The following PDZD2 variants were observed in gnomAD, a reference collection of about 807,000 sequenced individuals.
The protein encoded by PDZD2 is PDZ domain-containing protein 2.
PDZD2 carries 90 observed loss-of-function variants against 220.7 expected under a neutral mutation model. The ratio of observed to expected loss-of-function variants is 0.41; its 90% confidence interval spans 0.34 to 0.49. The LOEUF (loss-of-function observed/expected upper bound fraction) is 0.49, where lower values mean the gene tolerates loss of function less well. Ranked by LOEUF, PDZD2 falls within the 20% of genes least tolerant of loss-of-function variation. The pLI is 0.28. For missense variants in PDZD2, 3,174 were observed against 3,608.5 expected (o/e 0.88, Z 3.08); for synonymous variants, 1,375 against 1,450.5 (o/e 0.95, Z 1.18).
intron 2 of PDZD2, among the ~76,000 whole-genome samples, chr5:31,926,538 A>AAAG (rs1042054611): frequency 5.3e-5 from 8 of 151,554 alleles, no homozygotes; most frequent in Admixed American, 2.0e-4. Context: ...AAAAAAAAAA[A>AAAG]AAAAAAAGAA....
At chr5:31,988,382 A>G (rs990951131) in intron 3 of PDZD2, among the ~76,000 whole-genome samples, 6 of 150,668 alleles carry the variant, frequency 4.0e-5, no homozygotes, top group Middle Eastern at 3.4e-3. Context: ...GAAGAATTAC[A>G]TAAGGCGAGG....
intron 6 of PDZD2, among the ~76,000 whole-genome samples, chr5:32,015,741 TGAGA>T (rs1172721711): frequency 6.6e-6 from 1 of 152,214 alleles, no homozygotes; most frequent in Admixed American, 6.5e-5. Context: ...TCTAGCCTTC[TGAGA>T]GAGAAACTTT....
At chr5:31,908,831 G>A (rs151190211) in intron 2 of PDZD2, 1 of 573,946 alleles carries the variant, frequency 1.7e-6, no homozygotes, top group East Asian at 5.2e-5. Flanking sequence ...GATCACTTGA[G>A]CTCAGGAGTT....
intron 2 of PDZD2, among the ~76,000 whole-genome samples, chr5:31,967,210 T>C (rs1438893124): frequency 1.3e-5 from 2 of 152,068 alleles, no homozygotes; most frequent in Non-Finnish European, 2.9e-5. Context: ...TGGATCCACT[T>C]GAAAGGGAAG....
At chr5:31,816,374 T>A (rs1755460283) in intron 2 of PDZD2, among the ~76,000 whole-genome samples, 1 of 151,900 alleles carries the variant, frequency 6.6e-6, no homozygotes, top group South Asian at 2.1e-4. Context: ...TGAAGCCAAG[T>A]ACAGTAGTTC....
chr5:31,799,257 C>T lies in PDZD2; in HGVS notation c.9C>T (p.Ile3=), dbSNP rs1490783156. The change falls in exon 2 of 25, where the codon ATC becomes ATT. Residue 3 remains isoleucine, a synonymous_variant. Coordinates refer to ENST00000438447, the MANE Select transcript of PDZD2 (RefSeq NM_178140.4). MP[I]TQDNAVLHLP... ...GTCTGGGAGTGAGCACCATGCCCAT[C>T]ACCCAGGACAATGCCGTGCTGCACC... The T allele has an allele frequency of 5.7e-6, 9 of 1,592,306 alleles. No individual in the cohort carries two copies. The highest frequency in any genetic ancestry group is 6.9e-6 in the Non-Finnish European group (8 of 1,166,710).
chr5:31,728,431 G>A (rs1749308505), intron 1 of PDZD2, among the ~76,000 whole-genome samples: 1 of 152,108 alleles, frequency 6.6e-6, no homozygotes, highest in Non-Finnish European at 1.5e-5. Context: ...GAGAAGGAGT[G>A]GCGTATTTTA....
chr5:31,874,956 C>G (rs113104887), intron 2 of PDZD2, among the ~76,000 whole-genome samples: 49 of 152,246 alleles, frequency 3.2e-4, no homozygotes, highest in African/African-American at 1.1e-3. Flanking sequence ...CAGTTTAGTG[C>G]ATATCCTTCC....
intron 2 of PDZD2, among the ~76,000 whole-genome samples, chr5:31,954,639 C>A (rs1190270355): frequency 6.6e-6 from 1 of 152,092 alleles, no homozygotes; most frequent in Non-Finnish European, 1.5e-5. Context: ...ATAAAAACCA[C>A]TAAGAGGGGC....
At chr5:31,997,925 C>T (rs369798798) in intron 4 of PDZD2, among the ~76,000 whole-genome samples, 1 of 152,162 alleles carries the variant, frequency 6.6e-6, no homozygotes, top group Non-Finnish European at 1.5e-5. Flanking sequence ...TCACCACAAC[C>T]TCCGCCTCCC....
At chr5:31,810,355 C>T (rs779611074) in intron 2 of PDZD2, among the ~76,000 whole-genome samples, 3 of 151,016 alleles carry the variant, frequency 2.0e-5, no homozygotes, top group African/African-American at 4.9e-5. Context: ...CTCCGCCTCC[C>T]GGGTTCATGC....
intron 6 of PDZD2, 41 bp from the exon 7 acceptor site, chr5:32,037,190 G>A (rs773525196): frequency 1.6e-6 from 2 of 1,278,350 alleles, no homozygotes; most frequent in Admixed American, 1.7e-5. Context: ...GTCATCGCAG[G>A]GCTGGGCTCT....
chr5:32,051,209 A>T (rs1738510403), intron 8 of PDZD2, among the ~76,000 whole-genome samples: 1 of 152,134 alleles, frequency 6.6e-6, no homozygotes, highest in Admixed American at 6.5e-5. Context: ...AAACCTCCGT[A>T]TTCAAGGACT....
Position 31,646,035 on chromosome 5 carries a change from C to G in PDZD2, c.-361+6598C>G, listed in dbSNP as rs886881843. ...TGGGAGGAGAGAGGGTGTCAGGGAGCTTTGCACTGCGGGGGGGCCTTCTCA... is the reference window on the plus strand; with the variant it reads ...TGGGAGGAGAGAGGGTGTCAGGGAGGTTTGCACTGCGGGGGGGCCTTCTCA... On this transcript the variant is annotated intron_variant, in intron 1 of 24. Coordinates refer to ENST00000438447, the MANE Select transcript of PDZD2 (RefSeq NM_178140.4). This position sits in a 1 kb window ranked among gnomAD's most constrained non-coding sequence, Gnocchi z 4.7. 2.7e-5 allele frequency among the ~76,000 whole-genome samples: 2 copies of G among 75,314 alleles called. No individual in the cohort carries two copies. The highest frequency in any genetic ancestry group is 5.4e-5 in the African/African-American group (2 of 36,870). The allele number at this position is 75,314 out of a possible 152,430, so 49.4% of individuals were successfully genotyped here.
intron 4 of PDZD2, among the ~76,000 whole-genome samples, chr5:31,996,558 G>A (rs1322853115): frequency 1.3e-5 from 2 of 152,096 alleles, no homozygotes; most frequent in Admixed American, 6.6e-5. Context: ...TTACAAAGAC[G>A]TGAGCCAGGT....
chr5:31,776,838 T>A (rs978371717), intron 1 of PDZD2, among the ~76,000 whole-genome samples: 4 of 151,440 alleles, frequency 2.6e-5, no homozygotes, highest in Non-Finnish European at 4.4e-5. Flanking sequence ...TTTGTATTCT[T>A]GGTAGAGACA....
intron 5 of PDZD2, among the ~76,000 whole-genome samples, chr5:32,008,253 T>C (rs973866422): frequency 6.6e-6 from 1 of 151,522 alleles, no homozygotes; most frequent in Admixed American, 6.6e-5. Context: ...TTATCTGACA[T>C]TTTGATTCAA....
Position 31,985,634 on chromosome 5 carries a change from C to T in PDZD2, c.978+1978C>T, listed in dbSNP as rs146077982. ...CTTGAACCTGGCAGGTGGAGGTTGC[C>T]GTGAGCCAGGAATCGCACCACCACC... On this transcript the variant is annotated intron_variant, in intron 3 of 24. Coordinates refer to ENST00000438447, the MANE Select transcript of PDZD2 (RefSeq NM_178140.4). Among the ~76,000 whole-genome samples the T allele has an allele frequency of 8.9e-3, 1,353 of 151,706 alleles. 16 individuals carry two copies. Among genetic ancestry groups the T allele is most frequent in the African/African-American group, 0.031 (1,289 of 41,374 alleles).
intron 5 of PDZD2, among the ~76,000 whole-genome samples, chr5:32,005,429 A>C (rs1463364564): frequency 1.3e-5 from 2 of 151,450 alleles, no homozygotes. Flanking sequence ...GAAGCAACAT[A>C]TATCAGTACA....
Sources: allele counts gnomAD v4.1 joint callset (sites outside exome capture counted in the v4.1 genomes callset), GRCh38; gene constraint gnomAD v4.1.1; non-coding constraint Gnocchi (gnomAD v3.1); transcripts MANE v1.5; gene names NCBI Gene and HGNC (gene_info 2026-07-23, HGNC 2026-07-21).